CADPS2: variants seen among roughly 807,000 people sequenced by gnomAD.
The protein encoded by CADPS2 is calcium dependent secretion activator 2, also known as calcium-dependent secretion activator 2.
In CADPS2, 93 loss-of-function variants were observed where a neutral mutation model predicts 172.5. The observed-to-expected ratio is 0.54, with a 90% CI of 0.46 to 0.64. The LOEUF (loss-of-function observed/expected upper bound fraction) is 0.64. Among genes scored for constraint, CADPS2 ranks in the 30% least tolerant of loss-of-function variants. The probability of loss-of-function intolerance (pLI) is 0.00; values close to 1 mark genes in which losing one functional copy is unlikely to be tolerated. For synonymous variants in CADPS2, 546 were observed against 555.2 expected, an observed-to-expected ratio of 0.98 and a Z score of 0.23; for missense variants, 1,420 against 1,565.9, an observed-to-expected ratio of 0.91 and a Z score of 1.57.
intron 8 of CADPS2, among the ~76,000 whole-genome samples, chr7:122,553,261 A>C (rs535826456): frequency 5.1e-4 from 77 of 152,150 alleles, no homozygotes; most frequent in Non-Finnish European, 9.7e-4. Context: ...ATCACATTAA[A>C]GTTTGTCCTA....
At chr7:122,697,475 TG>T (rs944493231) in intron 2 of CADPS2, among the ~76,000 whole-genome samples, 1 of 152,136 alleles carries the variant, frequency 6.6e-6, no homozygotes, top group African/African-American at 2.4e-5. Flanking sequence ...ACCCAATATA[TG>T]TACAGTAAAT....
intron 1 of CADPS2, among the ~76,000 whole-genome samples, chr7:122,838,706 G>C (rs1235267624): frequency 2.0e-5 from 3 of 152,034 alleles, no homozygotes; most frequent in Non-Finnish European, 4.4e-5. Context: ...AAATACCTAG[G>C]AATCCAACTT....
chr7:122,621,142 T>A (rs1423441386), intron 5 of CADPS2, among the ~76,000 whole-genome samples: 1 of 152,064 alleles, frequency 6.6e-6, no homozygotes, highest in Admixed American at 6.6e-5. Context: ...GCTTAAGTGA[T>A]CCTCTCGCCT....
chr7:122,677,455 G>T (rs1022381313), intron 2 of CADPS2, among the ~76,000 whole-genome samples: 4 of 152,180 alleles, frequency 2.6e-5, no homozygotes, highest in Non-Finnish European at 5.9e-5. Flanking sequence ...GAGGACGGGT[G>T]GGCTTTGTCA....
rs144709799 is a variant in CADPS2, at chr7:122,510,680, T to C, written c.1542+2569A>G. On this transcript the variant is annotated intron_variant, in intron 9 of 29. Transcript: ENST00000449022. ...CAGACACAGCAGGGGTATACTGTCCTCCCTGTGAAAACGATTCCTTCACCT... is the reference window on the plus strand; with the variant it reads ...CAGACACAGCAGGGGTATACTGTCCCCCCTGTGAAAACGATTCCTTCACCT... Among the ~76,000 whole-genome samples the C allele has an allele frequency of 4.4e-3, 671 of 152,278 alleles. 6 individuals carry two copies. Among genetic ancestry groups the C allele is most frequent in the African/African-American group, 0.015 (617 of 41,570 alleles).
At chr7:122,766,145 T>C (rs755048399) in intron 1 of CADPS2, among the ~76,000 whole-genome samples, 9 of 152,018 alleles carry the variant, frequency 5.9e-5, no homozygotes, top group Non-Finnish European at 1.2e-4. Context: ...CACCACACTC[T>C]TGCAGTAACC....
At position 122,505,832 on chromosome 7, in the gene CADPS2, CCTTT is replaced by C. The variant is rs574380728; in HGVS notation, c.1542+7413_1542+7416del. On this transcript the variant is annotated intron_variant, in intron 9 of 29. Coordinates refer to ENST00000449022, the MANE Select transcript of CADPS2 (RefSeq NM_017954.11). ...GCCATATTTCATCCTTCTTTTAGTT[CCTTT>C]AATATCCCAAGAGATCTTACTTTTA... is the stretch of plus-strand genomic sequence containing the variant. 9.1e-4 allele frequency among the ~76,000 whole-genome samples: 139 copies of C among 152,260 alleles called. 1 individual carries two copies. The highest frequency in any genetic ancestry group is 7.3e-3 in the South Asian group (35 of 4,826).
chr7:122,716,382 C>T (rs1380712078), intron 2 of CADPS2, among the ~76,000 whole-genome samples: 1 of 152,072 alleles, frequency 6.6e-6, no homozygotes, highest in African/African-American at 2.4e-5. Context: ...CCATCACTAC[C>T]AAAAAGGCAG....
chr7:122,488,031 A>G (rs1011463028), intron 11 of CADPS2, among the ~76,000 whole-genome samples: 2 of 152,198 alleles, frequency 1.3e-5, no homozygotes, highest in South Asian at 2.1e-4. Flanking sequence ...AAAACACAGG[A>G]AATTCACATT....
At chr7:122,703,605 C>T (rs1419636265) in intron 2 of CADPS2, among the ~76,000 whole-genome samples, 3 of 152,106 alleles carry the variant, frequency 2.0e-5, no homozygotes, top group South Asian at 4.1e-4. Context: ...CGGCCCTACT[C>T]TTGTAGAGGC....
chr7:122,852,514 A>T (rs1813947771), intron 1 of CADPS2, among the ~76,000 whole-genome samples: 1 of 152,198 alleles, frequency 6.6e-6, no homozygotes, highest in Non-Finnish European at 1.5e-5. Flanking sequence ...TGTGGTAGCA[A>T]CTTTAAATAG....
At chr7:122,676,816 AC>A in intron 2 of CADPS2, 1 of 696,096 alleles carries the variant, frequency 1.4e-6, no homozygotes, top group East Asian at 2.8e-5. Context: ...TTCCGAACTC[AC>A]TGTAAGTGCT....
intron 1 of CADPS2, among the ~76,000 whole-genome samples, chr7:122,858,856 G>C (rs1455429901): frequency 6.6e-6 from 1 of 152,144 alleles, no homozygotes; most frequent in Non-Finnish European, 1.5e-5. Context: ...AAGCAAATAT[G>C]CTACATACAG....
At chr7:122,840,205 C>A (rs1452035833) in intron 1 of CADPS2, among the ~76,000 whole-genome samples, 1 of 152,068 alleles carries the variant, frequency 6.6e-6, no homozygotes, top group African/African-American at 2.4e-5. Context: ...CGCATGTTCT[C>A]ACTCATAGGT....
intron 9 of CADPS2, among the ~76,000 whole-genome samples, chr7:122,495,639 A>G (rs987064447): frequency 1.3e-5 from 2 of 152,100 alleles, no homozygotes; most frequent in Admixed American, 1.3e-4. Context: ...TCTTGCTCAC[A>G]TATGTGACAG....
intron 1 of CADPS2, among the ~76,000 whole-genome samples, chr7:122,772,999 GCAC>G (rs1455550555): frequency 1.3e-5 from 2 of 151,964 alleles, no homozygotes; most frequent in Non-Finnish European, 2.9e-5. Flanking sequence ...GAAGAAAATG[GCAC>G]CACATGAAAT....
At position 122,645,681 on chromosome 7, in the gene CADPS2, A is replaced by ATATATCTATCTCTC. The variant is rs796988558; in HGVS notation, c.787-16354_787-16353insGAGAGATAGATATA. On this transcript the variant is annotated intron_variant, in intron 3 of 29. Transcript: ENST00000449022. ...AAGATATATATATATATATATATAT[A>ATATATCTATCTCTC]TCTTGGGATTTTGCTCTTAGTTAGA... 2.1e-3 allele frequency among the ~76,000 whole-genome samples: 244 copies of ATATATCTATCTCTC among 116,826 alleles called. 2 individuals carry two copies. Among genetic ancestry groups the ATATATCTATCTCTC allele is most frequent in the African/African-American group, 6.4e-3 (202 of 31,404 alleles). 76.6% of individuals were successfully genotyped at this position (116,826 alleles called of 152,430 possible). A position where few individuals can be genotyped will look rare whatever the true frequency, so the allele number is the denominator to read the frequency against.
intron 29 of CADPS2, among the ~76,000 whole-genome samples, chr7:122,324,217 GTC>G (rs2033327364): frequency 6.6e-6 from 1 of 151,896 alleles, no homozygotes; most frequent in Admixed American, 6.6e-5. Flanking sequence ...GGCATTTTAG[GTC>G]TGGTTCTACT....
intron 2 of CADPS2, among the ~76,000 whole-genome samples, chr7:122,668,186 T>C (rs540722942): frequency 2.4e-4 from 36 of 152,130 alleles, no homozygotes; most frequent in African/African-American, 7.5e-4. Flanking sequence ...ATAGAATGAA[T>C]GTGTCTTGGT....
Sources: gnomAD v4.1 joint callset for allele counts (sites outside exome capture counted in the v4.1 genomes callset) on GRCh38, gnomAD v4.1.1 for gene constraint, MANE v1.5 for transcripts, NCBI Gene and HGNC (gene_info 2026-07-23, HGNC 2026-07-21) for gene names.